The following XCL1 variants were observed in gnomAD, a reference collection of about 807,000 sequenced individuals.
XCL1 encodes lymphotactin.
In XCL1, 6 loss-of-function variants were observed where a neutral mutation model predicts 7.4. That is an observed-to-expected ratio of 0.82 (90% CI 0.45 to 1.61). XCL1 has a LOEUF of 1.61. Ranked by LOEUF, XCL1 falls within the 40% of genes most tolerant of loss-of-function variation. XCL1 has a pLI of 0.01. For missense variants in XCL1, 122 were observed against 138.2 expected (o/e 0.88, Z 0.59); for synonymous variants, 48 against 52.4 (o/e 0.92, Z 0.36).
At chr1:168,578,191 A>G (rs774319332) in intron 1 of XCL1, among the ~76,000 whole-genome samples, 12 of 152,348 alleles carry the variant, frequency 7.9e-5, no homozygotes, top group Non-Finnish European at 1.8e-4. Context: ...AAGGTAGAGG[A>G]TAGCAATGTG....
rs1655168901 is a variant in XCL1, at chr1:168,581,362, G to A, written c.*142G>A. 1 of 1,019,554 alleles carries A rather than the reference G, an allele frequency of 9.8e-7. No individual in the cohort carries two copies. 63.2% of individuals were successfully genotyped at this position (1,019,554 alleles called of 1,614,324 possible). A position where few individuals can be genotyped will look rare whatever the true frequency, so the allele number is the denominator to read the frequency against. On this transcript the variant is annotated 3_prime_UTR_variant, in exon 3 of 3. Transcript: ENST00000367818. ...GTATTTTTACTTTTAAATGTCTTCT[G>A]TATTCACTTATATGTTCTAATTAAT...
chr1:168,580,934 G>T, intron 2 of XCL1, 118 bp from the exon 3 acceptor site: 3 of 1,376,522 alleles, frequency 2.2e-6, no homozygotes, highest in South Asian at 1.5e-5. Flanking sequence ...GGCTCTGAAA[G>T]ACTATTTCTT....
chr1:168,580,484 G>A (rs1456733876), intron 2 of XCL1, among the ~76,000 whole-genome samples: 1 of 152,124 alleles, frequency 6.6e-6, no homozygotes, highest in Non-Finnish European at 1.5e-5. Flanking sequence ...GCCCATGTCA[G>A]GGTTTCCCTG....
intron 1 of XCL1, chr1:168,578,937 A>C (rs1414795528): frequency 1.4e-5 from 5 of 368,732 alleles, no homozygotes; most frequent in Non-Finnish European, 1.6e-5. Flanking sequence ...CAGAAAGTTA[A>C]CCAGCTTGAT....
Position 168,581,141 on chromosome 1 carries a change from A to G in XCL1, c.266A>G (p.Asn89Ser). ...GTCAGGAGCATGGACAGGAAATCCA[A>G]CACCAGAAATAACATGATCCAGACC... ...DVVRSMDRKS[N>S]TRNNMIQTKP... The change falls in exon 3 of 3, where the codon AAC (asparagine) becomes AGC (serine). Residue 89 changes from asparagine to serine, a missense_variant. By Grantham distance (46) the Asn-to-Ser change is conservative (BLOSUM62 1). Coordinates refer to ENST00000367818, the MANE Select transcript of XCL1 (RefSeq NM_002995.3). The G allele has an allele frequency of 1.9e-6, 3 of 1,613,842 alleles. No individual in the cohort carries two copies. Among genetic ancestry groups the G allele is most frequent in the Non-Finnish European group, 2.5e-6 (3 of 1,179,800 alleles).
rs533863905 is a variant in XCL1 at position 168,576,616 on chromosome 1, A to C, written c.-22A>C. On this transcript the variant is annotated 5_prime_UTR_variant, in exon 1 of 3. Coordinates refer to ENST00000367818, the MANE Select transcript of XCL1 (RefSeq NM_002995.3). Reference sequence around the variant, plus strand: ...AGAGCCCGATCCTCACTCTCCTTGCACAGCTCAGCAGGACCTCAGCCATGA... The same window carrying C: ...AGAGCCCGATCCTCACTCTCCTTGCCCAGCTCAGCAGGACCTCAGCCATGA... 5 of 1,613,078 alleles carry C rather than the reference A, an allele frequency of 3.1e-6. No individual in the cohort carries two copies. Among genetic ancestry groups the C allele is most frequent in the African/African-American group, 1.3e-5 (1 of 74,774 alleles).
Position 168,581,184 on chromosome 1 carries a change from G to A in XCL1, c.309G>A (p.Gln103=). Residue 103 remains glutamine, a synonymous_variant, in exon 3 of 3, where the codon CAG becomes CAA. Coordinates refer to ENST00000367818, the MANE Select transcript of XCL1 (RefSeq NM_002995.3). ...NMIQTKPTGT[Q]QSTNTAVTLT... ...TCCAGACCAAGCCAACAGGAACCCA[G>A]CAATCGACCAATACAGCTGTGACTC... is the stretch of plus-strand genomic sequence containing the variant. The A allele has an allele frequency of 1.2e-6, 2 of 1,613,794 alleles. No homozygotes were observed. Among genetic ancestry groups the A allele is most frequent in the Non-Finnish European group, 1.7e-6 (2 of 1,179,784 alleles).
At position 168,576,797 on chromosome 1, in the gene XCL1, T is replaced by G. The variant is rs148646388; in HGVS notation, c.61+99T>G. ...CAGGTTATGACTGGACTAACCTGCT[T>G]TCCCCAGGGGAGCCTTAAACTTCCC... On this transcript the variant is annotated intron_variant, in intron 1 of 2. Coordinates refer to ENST00000367818, the MANE Select transcript of XCL1 (RefSeq NM_002995.3). 7,942 of 1,520,858 alleles carry G rather than the reference T, an allele frequency of 5.2e-3. 49 individuals carry two copies. Among genetic ancestry groups the G allele is most frequent in the Middle Eastern group, 6.7e-3 (39 of 5,782 alleles). 94.2% of individuals were successfully genotyped at this position (1,520,858 alleles called of 1,614,324 possible).
rs371759252 is a variant in XCL1 at position 168,581,181 on chromosome 1, C to T, written c.306C>T (p.Thr102=). Residue 102 remains threonine, a synonymous_variant, in exon 3 of 3, where the codon ACC becomes ACT. Coordinates refer to ENST00000367818, the MANE Select transcript of XCL1 (RefSeq NM_002995.3). The part of the protein sequence containing the change: ...NNMIQTKPTG[T]QQSTNTAVTL... ...TGATCCAGACCAAGCCAACAGGAAC[C>T]CAGCAATCGACCAATACAGCTGTGA... The T allele has an allele frequency of 1.9e-6, 3 of 1,613,648 alleles. No individual in the cohort carries two copies. The African/African-American group carries it at 4.0e-5, about 22-fold the overall frequency.
At chr1:168,580,514 G>C (rs1200051296) in intron 2 of XCL1, among the ~76,000 whole-genome samples, 3 of 152,060 alleles carry the variant, frequency 2.0e-5, no homozygotes, top group Admixed American at 2.0e-4. Flanking sequence ...CTGGAGTTGG[G>C]GGATCTTAGG....
intron 1 of XCL1, among the ~76,000 whole-genome samples, chr1:168,578,295 T>G (rs1308564538): frequency 6.6e-6 from 1 of 152,210 alleles, no homozygotes; most frequent in Non-Finnish European, 1.5e-5. Flanking sequence ...CTTCTGATAT[T>G]AGCAACACTA....
chr1:168,580,032 T>A (rs770200849), intron 1 of XCL1, 31 bp from the exon 2 acceptor site: 5 of 1,594,532 alleles, frequency 3.1e-6, no homozygotes, highest in East Asian at 2.2e-5. Context: ...GCTTTATTTT[T>A]AATTGTCTGT....
At chr1:168,577,947 C>A (rs1208776327) in intron 1 of XCL1, among the ~76,000 whole-genome samples, 1 of 152,108 alleles carries the variant, frequency 6.6e-6, no homozygotes, top group Non-Finnish European at 1.5e-5. Context: ...AATTTTGCAA[C>A]CTGAGTGAAG....
Position 168,576,672 on chromosome 1 carries a change from GCT to G in XCL1, c.41_42del (p.Leu14HisfsTer11), listed in dbSNP as rs1655031100. 6.2e-7 allele frequency: 1 copy of G among 1,613,608 alleles called. No individual in the cohort carries two copies. Among genetic ancestry groups the G allele is most frequent in the Non-Finnish European group, 8.5e-7 (1 of 1,179,794 alleles). On this transcript the variant is annotated frameshift_variant, in exon 1 of 3. Transcript: ENST00000367818. LOFTEE classifies it high-confidence loss of function. ...CTCATCCTGGCCCTCCTTGGCATCT[GCT>G]CTCTCACTGCATACATTGTGGAAGG...
At chr1:168,580,903 G>A in intron 2 of XCL1, 149 bp from the exon 3 acceptor site, 1 of 1,152,694 alleles carries the variant, frequency 8.7e-7, no homozygotes, top group South Asian at 1.8e-5. Flanking sequence ...GCAGAAGAAG[G>A]GTACTCATTT....
Position 168,581,475 on chromosome 1 carries a change from T to C in XCL1, c.*255T>C, listed in dbSNP as rs1404779622. Reference sequence around the variant, plus strand: ...ATCATTGTTGTTTGATTTCTGACCTTGTACCTCTCTTTGATGGTAACCATA... The same window carrying C: ...ATCATTGTTGTTTGATTTCTGACCTCGTACCTCTCTTTGATGGTAACCATA... On this transcript the variant is annotated 3_prime_UTR_variant, in exon 3 of 3. Coordinates refer to ENST00000367818, the MANE Select transcript of XCL1 (RefSeq NM_002995.3). 3.3e-6 allele frequency: 1 copy of C among 304,596 alleles called. No individual in the cohort carries two copies. The highest frequency in any genetic ancestry group is 5.7e-6 in the Non-Finnish European group (1 of 174,808). The allele number at this position is 304,596 out of a possible 1,614,324, so 18.9% of individuals were successfully genotyped here.
intron 2 of XCL1, among the ~76,000 whole-genome samples, 154 bp downstream of exon 2, chr1:168,580,331 G>A (rs1655132076): frequency 6.6e-6 from 1 of 152,216 alleles, no homozygotes; most frequent in Admixed American, 6.5e-5. Context: ...TATCAATCAT[G>A]TCTTTCTGCA....
Position 168,581,480 on chromosome 1 carries a change from C to T in XCL1, c.*260C>T. The T allele has an allele frequency of 3.4e-6, 1 of 290,140 alleles. No individual in the cohort carries two copies. Among genetic ancestry groups the T allele is most frequent in the Non-Finnish European group, 6.1e-6 (1 of 164,722 alleles). The allele number at this position is 290,140 out of a possible 1,614,324, so 18.0% of individuals were successfully genotyped here. A position where few individuals can be genotyped will look rare whatever the true frequency, so the allele number is the denominator to read the frequency against. On this transcript the variant is annotated 3_prime_UTR_variant, in exon 3 of 3. Coordinates refer to ENST00000367818, the MANE Select transcript of XCL1 (RefSeq NM_002995.3). Reference sequence around the variant, plus strand: ...TGTTGTTTGATTTCTGACCTTGTACCTCTCTTTGATGGTAACCATAATGGA... The same window carrying T: ...TGTTGTTTGATTTCTGACCTTGTACTTCTCTTTGATGGTAACCATAATGGA...
Position 168,580,061 on chromosome 1 carries a change from A to C in XCL1, c.62-2A>C, listed in dbSNP as rs1655122726. 1.2e-6 allele frequency: 2 copies of C among 1,606,040 alleles called. No homozygotes were observed. Among genetic ancestry groups the C allele is most frequent in the Non-Finnish European group, 8.5e-7 (1 of 1,176,252 alleles). On this transcript the variant is annotated splice_acceptor_variant, in intron 1 of 2. Transcript: ENST00000367818. LOFTEE classifies it high-confidence loss of function. ...TGTCTGTTGTTTTTTTTTCCTCACC[A>C]GGTGTAGGGAGTGAAGTCTCAGATA...
Sources: allele counts gnomAD v4.1 joint callset (sites outside exome capture counted in the v4.1 genomes callset), GRCh38; gene constraint gnomAD v4.1.1; transcripts MANE v1.5; gene names NCBI Gene and HGNC (gene_info 2026-07-23, HGNC 2026-07-21).